Variants in NSMAF observed in about 807,000 individuals in gnomAD.
NSMAF encodes neutral sphingomyelinase activation associated factor.
In NSMAF, 90 loss-of-function variants were observed where a neutral mutation model predicts 134.9. The ratio of observed to expected loss-of-function variants is 0.67; its 90% CI spans 0.56 to 0.79. The LOEUF (loss-of-function observed/expected upper bound fraction) is 0.79. Among genes scored for constraint, NSMAF ranks in the 30% least tolerant of loss-of-function variants. NSMAF has a pLI of 0.00. For synonymous variants in NSMAF, 358 were observed against 389.6 expected (o/e 0.92, Z 0.96); for missense variants, 1,010 against 1,119.0 (o/e 0.90, Z 1.39).
intron 9 of NSMAF, among the ~76,000 whole-genome samples, chr8:58,613,635 C>T (rs1278547430): frequency 6.6e-6 from 1 of 151,912 alleles, no homozygotes; most frequent in Non-Finnish European, 1.5e-5. Flanking sequence ...TGGTCAATGA[C>T]ACTGTATATA....
chr8:58,601,593 G>T, intron 14 of NSMAF, 58 bp from the exon 15 acceptor site: 1 of 1,535,052 alleles, frequency 6.5e-7, no homozygotes, highest in South Asian at 1.3e-5. Context: ...AATAATAACT[G>T]ACAAGTAGAA....
At chr8:58,624,730 G>A (rs909454760) in intron 6 of NSMAF, among the ~76,000 whole-genome samples, 9 of 152,136 alleles carry the variant, frequency 5.9e-5, no homozygotes, top group African/African-American at 2.2e-4. Context: ...CTGCTGTTGG[G>A]TAGAAAGCTC....
At position 58,583,722 on chromosome 8, in the gene NSMAF, A is replaced by G. The variant is rs528284599; in HGVS notation, c.*384T>C. 5.1e-5 allele frequency: 12 copies of G among 236,524 alleles called. No individual in the cohort carries two copies. The highest frequency in any genetic ancestry group is 1.7e-5 in the Non-Finnish European group (2 of 120,468). The allele number at this position is 236,524 out of a possible 1,614,324, so 14.7% of individuals were successfully genotyped here. ...TAGATTAGGAAGACAAAACAGATTC[A>G]GAAGTAGCAGAGAATACTGCACATT... On this transcript the variant is annotated 3_prime_UTR_variant, in exon 31 of 31. Transcript: ENST00000038176.
chr8:58,659,267 G>A lies in NSMAF; in HGVS notation c.59+306C>T, dbSNP rs912905066. ...CCCCGCGCGGCCTTCCGGGTGAGCT[G>A]CCCGCGGCCGCCGGGACCTGCACTG... is the stretch of plus-strand genomic sequence containing the variant. On this transcript the variant is annotated intron_variant, in intron 1 of 30. Transcript: ENST00000038176. The A allele has an allele frequency of 4.6e-6, 7 of 1,511,140 alleles. No individual in the cohort carries two copies. The highest frequency in any genetic ancestry group is 6.2e-6 in the Non-Finnish European group (7 of 1,136,906). 93.6% of individuals were successfully genotyped at this position (1,511,140 alleles called of 1,614,324 possible). A position where few individuals can be genotyped will look rare whatever the true frequency, so the allele number is the denominator to read the frequency against.
chr8:58,598,694 G>C (rs1210196716), intron 19 of NSMAF, among the ~76,000 whole-genome samples: 2 of 151,942 alleles, frequency 1.3e-5, no homozygotes, highest in African/African-American at 4.8e-5. Flanking sequence ...GGTATTATTT[G>C]GGCAAAAGTC....
intron 2 of NSMAF, among the ~76,000 whole-genome samples, chr8:58,640,889 T>C (rs1807319386): frequency 6.6e-6 from 1 of 151,886 alleles, no homozygotes; most frequent in Non-Finnish European, 1.5e-5. Context: ...TCTTTGATTT[T>C]TAGGGTTTAC....
intron 12 of NSMAF, among the ~76,000 whole-genome samples, chr8:58,605,547 ATT>A (rs200018322): frequency 0.023 from 3,553 of 152,292 alleles, 57 homozygotes; most frequent in Non-Finnish European, 0.036. Flanking sequence ...GTGAATTTAT[ATT>A]TCCCAGAATT....
intron 26 of NSMAF, among the ~76,000 whole-genome samples, chr8:58,589,187 AAT>A (rs1805965960): frequency 6.8e-6 from 1 of 147,874 alleles, no homozygotes; most frequent in Non-Finnish European, 1.5e-5. Flanking sequence ...AAATATATGT[AAT>A]ATATAACAGA....
chr8:58,606,407 A>G (rs1806413300), intron 11 of NSMAF, among the ~76,000 whole-genome samples: 1 of 152,076 alleles, frequency 6.6e-6, no homozygotes, highest in Non-Finnish European at 1.5e-5. Context: ...GCTTTCTTTC[A>G]TAAGTTAAAT....
chr8:58,590,999 C>T, intron 23 of NSMAF, 65 bp from the exon 24 acceptor site: 1 of 1,494,710 alleles, frequency 6.7e-7, no homozygotes, highest in Admixed American at 2.0e-5. Context: ...CGTCAAAGAA[C>T]AGCTGCTCTT....
rs935384724 is a variant in NSMAF, at chr8:58,616,263, T to C, written c.558-6530A>G. Among the ~76,000 whole-genome samples, 6 of 152,122 alleles carry C rather than the reference T, an allele frequency of 3.9e-5. No individual in the cohort carries two copies. In the East Asian group the frequency reaches 1.2e-3, roughly 29 times the overall value. ...AAACCGGAGATAAAGAAAACCTCCATACTATTATGAGGTCAGCATAACCTG... is the reference window on the plus strand; with the variant it reads ...AAACCGGAGATAAAGAAAACCTCCACACTATTATGAGGTCAGCATAACCTG... On this transcript the variant is annotated intron_variant, in intron 9 of 30. Coordinates refer to ENST00000038176, the MANE Select transcript of NSMAF (RefSeq NM_003580.4).
At chr8:58,654,830 C>CTTTTT in intron 1 of NSMAF, among the ~76,000 whole-genome samples, 1 of 151,820 alleles carries the variant, frequency 6.6e-6, no homozygotes, top group Non-Finnish European at 1.5e-5. Context: ...AATTTCTTTT[C>CTTTTT]TATTATGTAT....
At chr8:58,639,967 C>T (rs969517088) in intron 2 of NSMAF, 5 of 396,520 alleles carry the variant, frequency 1.3e-5, no homozygotes, top group Admixed American at 6.0e-5. Context: ...ATGGAACTTA[C>T]GAAAATTTTT....
chr8:58,641,613 C>G (rs774948095), intron 2 of NSMAF, among the ~76,000 whole-genome samples: 4 of 152,192 alleles, frequency 2.6e-5, no homozygotes, highest in Non-Finnish European at 5.9e-5. Flanking sequence ...GCATAGTACT[C>G]CATCATGTGG....
At chr8:58,659,131 G>C (rs1345438882) in intron 1 of NSMAF, 8 of 1,119,190 alleles carry the variant, frequency 7.1e-6, no homozygotes, top group Non-Finnish European at 9.0e-6. Flanking sequence ...CGCCGGCGCC[G>C]AGTGCCTGGA....
At chr8:58,622,259 TG>T (rs1325069042) in intron 9 of NSMAF, among the ~76,000 whole-genome samples, 1 of 152,146 alleles carries the variant, frequency 6.6e-6, no homozygotes, top group Non-Finnish European at 1.5e-5. Context: ...TTTTATTTTT[TG>T]AGATGGGGTC....
At chr8:58,633,959 A>C (rs1181624531) in intron 5 of NSMAF, among the ~76,000 whole-genome samples, 3 of 152,182 alleles carry the variant, frequency 2.0e-5, no homozygotes, top group African/African-American at 7.2e-5. Context: ...AAAGTTATTA[A>C]ATTTTTACTA....
intron 9 of NSMAF, among the ~76,000 whole-genome samples, chr8:58,616,450 T>C (rs532753705): frequency 3.6e-4 from 54 of 152,048 alleles, no homozygotes; most frequent in African/African-American, 1.3e-3. Flanking sequence ...TGGTTTAACA[T>C]TGAAAAAAAT....
rs554540390 is a variant in NSMAF at position 58,646,762 on chromosome 8, C to T, written c.60-3689G>A. 6.6e-5 allele frequency among the ~76,000 whole-genome samples: 10 copies of T among 152,024 alleles called. No homozygotes were observed. The East Asian group carries it at 1.5e-3, about 23-fold the overall frequency. On this transcript the variant is annotated intron_variant, in intron 1 of 30. Transcript: ENST00000038176. Reference sequence around the variant, plus strand: ...GCTTAAAAAAAAAAATTAAAATCACCGTTTTGTAATTGGATGGTCTCATCC... The same window carrying T: ...GCTTAAAAAAAAAAATTAAAATCACTGTTTTGTAATTGGATGGTCTCATCC...
Sources: gnomAD v4.1 joint callset for allele counts (sites outside exome capture counted in the v4.1 genomes callset) on GRCh38, gnomAD v4.1.1 for gene constraint, MANE v1.5 for transcripts, NCBI Gene and HGNC (gene_info 2026-07-23, HGNC 2026-07-21) for gene names.